GPM6A: variants seen among roughly 807,000 people sequenced by gnomAD.
The protein encoded by GPM6A is neuronal membrane glycoprotein M6-a.
A neutral mutation model predicts 32.1 loss-of-function variants in GPM6A; 7 were observed. The ratio of observed to expected loss-of-function variants is 0.22; its 90% confidence interval spans 0.12 to 0.41. The LOEUF is 0.41. GPM6A is among the 10% of genes least tolerant of loss of function. The pLI, the probability that GPM6A is intolerant of heterozygous loss-of-function variation, is 1.00. For missense variants in GPM6A, 235 were observed against 347.2 expected (o/e 0.68, Z 2.57); for synonymous variants, 130 against 123.4 (o/e 1.05, Z -0.35).
chr4:175,668,115 A>T (rs1742848815), intron 3 of GPM6A, among the ~76,000 whole-genome samples: 1 of 152,130 alleles, frequency 6.6e-6, no homozygotes, highest in African/African-American at 2.4e-5. Flanking sequence ...TTCAACTTTT[A>T]CATTAGACAT....
chr4:175,829,533 T>C (rs1735540681), intron 1 of GPM6A, among the ~76,000 whole-genome samples: 1 of 151,576 alleles, frequency 6.6e-6, no homozygotes, highest in Non-Finnish European at 1.5e-5. Context: ...CGTGTTTTTC[T>C]CACTATTTTA....
At chr4:175,724,793 G>T (rs1746319989) in intron 1 of GPM6A, among the ~76,000 whole-genome samples, 1 of 152,046 alleles carries the variant, frequency 6.6e-6, no homozygotes, top group South Asian at 2.1e-4. Flanking sequence ...ATTTCCTTTG[G>T]AGTAAAGACA....
chr4:175,988,037 AATACAAAACAAG>A (rs1264434254), intron 1 of GPM6A, among the ~76,000 whole-genome samples: 1 of 152,206 alleles, frequency 6.6e-6, no homozygotes, highest in Non-Finnish European at 1.5e-5. Flanking sequence ...AGTAGAATTT[AATACAAAACAAG>A]ATTATCTTCC....
chr4:175,851,605 T>A (rs1441967462), intron 1 of GPM6A, among the ~76,000 whole-genome samples: 1 of 152,022 alleles, frequency 6.6e-6, no homozygotes, highest in African/African-American at 2.4e-5. Flanking sequence ...TTCTCTAGTG[T>A]AAAATGGGGA....
rs577927737 is a variant in GPM6A, at chr4:175,808,459, T to C, written c.37+3732A>G. 3.3e-5 allele frequency: 5 copies of C among 152,308 alleles called. No homozygotes were observed. In the South Asian group the frequency reaches 1.0e-3, roughly 32 times the overall value. The allele number at this position is 152,308 out of a possible 1,614,324, so 9.4% of individuals were successfully genotyped here. The stretch of plus-strand genomic sequence containing the variant: ...GTACCCTCTCCTTTCATTTATGTAT[T>C]CTTGTTGGTTTTAATAAATTAAAGA... On this transcript the variant is annotated intron_variant, in intron 1 of 6. Transcript: ENST00000393658.
intron 2 of GPM6A, among the ~76,000 whole-genome samples, chr4:175,684,886 G>A (rs963160662): frequency 1.3e-5 from 2 of 151,650 alleles, no homozygotes; most frequent in African/African-American, 4.8e-5. Flanking sequence ...GTTTTGTTTT[G>A]TTTTATTATT....
chr4:175,974,974 G>A (rs1489271113), intron 1 of GPM6A, among the ~76,000 whole-genome samples: 11 of 152,114 alleles, frequency 7.2e-5, no homozygotes, highest in South Asian at 2.1e-4. Flanking sequence ...ATGAGCCACC[G>A]CACCTGGCCT....
chr4:175,636,799 A>C (rs1740643792), intron 6 of GPM6A, among the ~76,000 whole-genome samples: 1 of 147,130 alleles, frequency 6.8e-6, no homozygotes, highest in Non-Finnish European at 1.5e-5. Flanking sequence ...TGTCTCAAAA[A>C]AATACATATA....
At chr4:175,842,967 A>AT (rs1735985755) in intron 1 of GPM6A, among the ~76,000 whole-genome samples, 1 of 151,190 alleles carries the variant, frequency 6.6e-6, no homozygotes, top group South Asian at 2.1e-4. Context: ...TTTTTCTTTA[A>AT]TTTTATATAT....
intron 1 of GPM6A, among the ~76,000 whole-genome samples, chr4:175,929,499 A>G (rs1015032432): frequency 6.6e-6 from 1 of 152,220 alleles, no homozygotes; most frequent in Non-Finnish European, 1.5e-5. Flanking sequence ...ATAAAGTAAT[A>G]TGGTTCTGCA....
At chr4:175,936,759 A>G (rs1490889248) in intron 1 of GPM6A, among the ~76,000 whole-genome samples, 1 of 152,190 alleles carries the variant, frequency 6.6e-6, no homozygotes, top group East Asian at 1.9e-4. Context: ...GCTAAAAGAT[A>G]AGCACAAGAC....
intron 1 of GPM6A, among the ~76,000 whole-genome samples, chr4:175,976,334 T>TC (rs1740661618): frequency 6.7e-6 from 1 of 148,928 alleles, no homozygotes; most frequent in Admixed American, 6.7e-5. Context: ...GCTAATTTTT[T>TC]TTTTTGTATT....
chr4:175,658,857 A>G (rs904855910), intron 3 of GPM6A, among the ~76,000 whole-genome samples: 2 of 152,214 alleles, frequency 1.3e-5, no homozygotes, highest in African/African-American at 2.4e-5. Context: ...AAAAATCACC[A>G]GTGTCACTGT....
At chr4:175,900,285 A>G (rs201263246) in intron 1 of GPM6A, among the ~76,000 whole-genome samples, 204 of 149,948 alleles carry the variant, frequency 1.4e-3, no homozygotes, top group Admixed American at 4.8e-3. Flanking sequence ...AAAAAAAAAA[A>G]AGAGAGAAGA....
intron 1 of GPM6A, among the ~76,000 whole-genome samples, chr4:175,770,420 A>G (rs997462919): frequency 6.6e-6 from 1 of 152,168 alleles, no homozygotes; most frequent in Non-Finnish European, 1.5e-5. Context: ...CCAGAATGAC[A>G]TTTCCAAAAT....
chr4:175,911,328 CTCAAAAA>C (rs1738309111), intron 1 of GPM6A, among the ~76,000 whole-genome samples: 1 of 152,126 alleles, frequency 6.6e-6, no homozygotes, highest in Non-Finnish European at 1.5e-5. Flanking sequence ...CTCTCTCCAT[CTCAAAAA>C]TATAATACGT....
intron 3 of GPM6A, among the ~76,000 whole-genome samples, chr4:175,666,066 C>T (rs1444125270): frequency 6.6e-6 from 1 of 151,408 alleles, no homozygotes; most frequent in African/African-American, 2.4e-5. Context: ...TTACAGGTGC[C>T]CACCACCACG....
chr4:175,986,591 T>A (rs2126452568), intron 1 of GPM6A, among the ~76,000 whole-genome samples: 1 of 152,196 alleles, frequency 6.6e-6, no homozygotes, highest in East Asian at 1.9e-4. Flanking sequence ...TTTGCAGTAC[T>A]TGACGTATTT....
At chr4:175,791,167 G>T (rs1733999597) in intron 1 of GPM6A, among the ~76,000 whole-genome samples, 1 of 151,954 alleles carries the variant, frequency 6.6e-6, no homozygotes, top group Admixed American at 6.6e-5. Context: ...TCTCAGATGA[G>T]TTTATTTAAT....
Sources: gnomAD v4.1 joint callset for allele counts (sites outside exome capture counted in the v4.1 genomes callset) on GRCh38, gnomAD v4.1.1 for gene constraint, MANE v1.5 for transcripts, NCBI Gene and HGNC (gene_info 2026-07-23, HGNC 2026-07-21) for gene names.